The following SEZ6L2 variants were observed in gnomAD, a reference collection of about 807,000 sequenced individuals.
The protein encoded by SEZ6L2 is seizure 6-like protein 2.
A neutral mutation model predicts 97.0 loss-of-function variants in SEZ6L2; 44 were observed. That is an observed-to-expected ratio of 0.45 (90% CI 0.36 to 0.58). The LOEUF is 0.58. Ranked by LOEUF, SEZ6L2 falls within the 20% of genes least tolerant of loss-of-function variation. The pLI, the probability that SEZ6L2 is intolerant of heterozygous loss-of-function variation, is 0.00. For missense variants in SEZ6L2, 1,086 were observed against 1,233.3 expected, an observed-to-expected ratio of 0.88 and a Z score of 1.79; for synonymous variants, 543 against 546.1, an observed-to-expected ratio of 0.99 and a Z score of 0.08.
In SEZ6L2 at chr16:29,873,454, G is replaced by A. The variant is rs981701465; in HGVS notation, c.2297-23C>T. Reference sequence around the variant, plus strand: ...TCACTGCGGGGAGCATGCCAGTCACGTGCCAGCTGCACTACTGTGCACGGG... The same window carrying A: ...TCACTGCGGGGAGCATGCCAGTCACATGCCAGCTGCACTACTGTGCACGGG... On this transcript the variant is annotated intron_variant, in intron 13 of 17. Transcript: ENST00000617533. The surrounding 1 kb of genome is among the most constrained non-coding windows in gnomAD (Gnocchi z 4.3). 3.7e-6 allele frequency: 6 copies of A among 1,614,104 alleles called. No individual in the cohort carries two copies. Among genetic ancestry groups the A allele is most frequent in the Admixed American group, 1.7e-5 (1 of 60,024 alleles).
chr16:29,897,085 G>A lies in SEZ6L2; in HGVS notation c.248C>T (p.Ala83Val). The A allele has an allele frequency of 6.3e-7, 1 of 1,581,012 alleles. No homozygotes were observed. Among genetic ancestry groups the A allele is most frequent in the Non-Finnish European group, 8.5e-7 (1 of 1,171,198 alleles). Residue 83 changes from alanine (A) to valine (V), a missense_variant, in exon 3 of 18, where the codon GCC becomes GTC. Coordinates refer to ENST00000617533, the MANE Select transcript of SEZ6L2 (RefSeq NM_001243332.2). Reference protein sequence around the residue: ...DRDPTLATPPAGQTLAVPSLP... With the variant: ...DRDPTLATPPVGQTLAVPSLP... ...GGAGGGCACTGCGAGAGTCTGGCCGGCCGGAGGGGTGGCTAGCGTGGGGTC... is the reference window on the plus strand; with the variant it reads ...GGAGGGCACTGCGAGAGTCTGGCCGACCGGAGGGGTGGCTAGCGTGGGGTC...
rs775047915 is a variant in SEZ6L2, at chr16:29,873,364, G to A, written c.2364C>T (p.His788=). 3 of 1,614,278 alleles carry A rather than the reference G, an allele frequency of 1.9e-6. No homozygotes were observed. The highest frequency in any genetic ancestry group is 2.2e-5 in the South Asian group (2 of 91,090). Residue 788 remains histidine, a synonymous_variant, in exon 14 of 18, where the codon CAC becomes CAT. Transcript: ENST00000617533. This position sits in a 1 kb window ranked among gnomAD's most constrained non-coding sequence, Gnocchi z 4.3. Reference sequence around the variant, plus strand: ...AGCGCAGAGACTCGCCCGCCTGGTAGTGGTGCTTGTACAGCGTCTGGTAGC... The same window carrying A: ...AGCGCAGAGACTCGCCCGCCTGGTAATGGTGCTTGTACAGCGTCTGGTAGC... ...ENGYQTLYKH[H]YQAGESLRFF... is the part of the protein sequence containing the mutation.
At chr16:29,895,505 G>A (rs758184686) in intron 4 of SEZ6L2, 45 bp from the exon 5 acceptor site, 8 of 1,597,296 alleles carry the variant, frequency 5.0e-6, no homozygotes, top group Admixed American at 3.4e-5. Flanking sequence ...TCAGCCAGGT[G>A]TTTGACTTCC....
At chr16:29,885,787 C>A in intron 7 of SEZ6L2, 38 bp from the exon 8 acceptor site, 1 of 1,578,156 alleles carries the variant, frequency 6.3e-7, no homozygotes, top group Non-Finnish European at 8.6e-7. Flanking sequence ...GCTCAATCTC[C>A]CTCACAAGCT....
chr16:29,873,520 G>A lies in SEZ6L2; in HGVS notation c.2296+18C>T. On this transcript the variant is annotated intron_variant, in intron 13 of 17. Transcript: ENST00000617533. The surrounding 1 kb of genome is among the most constrained non-coding windows in gnomAD (Gnocchi z 4.3). ...CAGGGCTACCCAGCCACCCTCCCAG[G>A]GTGTGCCCCAGACTCACAGGCGCAT... is the stretch of plus-strand genomic sequence containing the variant. 6.2e-7 allele frequency: 1 copy of A among 1,614,116 alleles called. No individual in the cohort carries two copies. The highest frequency in any genetic ancestry group is 1.7e-5 in the Admixed American group (1 of 60,010).
At position 29,899,157 on chromosome 16, in the gene SEZ6L2, A is replaced by G. The variant is rs1471019813; in HGVS notation, c.-138T>C. 1.5e-6 allele frequency: 1 copy of G among 676,042 alleles called. No individual in the cohort carries two copies. Among genetic ancestry groups the G allele is most frequent in the Non-Finnish European group, 2.4e-6 (1 of 410,402 alleles). The allele number at this position is 676,042 out of a possible 1,614,324, so 41.9% of individuals were successfully genotyped here. On this transcript the variant is annotated 5_prime_UTR_variant, in exon 1 of 18. Transcript: ENST00000617533. Reference sequence around the variant, plus strand: ...TCCTCGTAGGAGTCAGCAAAGAAAGACAATTTCTCTGCCCCTTGGGATGGA... The same window carrying G: ...TCCTCGTAGGAGTCAGCAAAGAAAGGCAATTTCTCTGCCCCTTGGGATGGA...
chr16:29,883,027 C>A (rs1053996372), intron 8 of SEZ6L2, among the ~76,000 whole-genome samples: 1 of 152,198 alleles, frequency 6.6e-6, no homozygotes, highest in African/African-American at 2.4e-5. Context: ...TCCCGCAATT[C>A]ATTTTTGCAG....
intron 1 of SEZ6L2, among the ~76,000 whole-genome samples, chr16:29,898,257 C>T (rs796737864): frequency 5.3e-5 from 8 of 152,266 alleles, no homozygotes; most frequent in African/African-American, 1.7e-4. Flanking sequence ...CCCTGGACAG[C>T]GCCAGCAAGG....
rs541095994 is a variant in SEZ6L2, at chr16:29,874,550, GTTTTTTTTTTTTTTTTTTTTTT to G, written c.2105-843_2105-822del. 5.2e-3 allele frequency among the ~76,000 whole-genome samples: 171 copies of G among 32,576 alleles called. 2 individuals are homozygous for G. Among genetic ancestry groups the G allele is most frequent in the Non-Finnish European group, 7.3e-3 (104 of 14,236 alleles). 21.4% of individuals were successfully genotyped at this position (32,576 alleles called of 152,430 possible). A position where few individuals can be genotyped will look rare whatever the true frequency, so the allele number is the denominator to read the frequency against. On this transcript the variant is annotated intron_variant, in intron 12 of 17. Transcript: ENST00000617533. ...AATATAATTCTTTGTGTGTGTGCTT[GTTTTTTTTTTTTTTTTTTTTTT>G]TTTTTTTTTTTTTTTTGAGATGGGA...
intron 8 of SEZ6L2, among the ~76,000 whole-genome samples, chr16:29,885,285 G>T (rs540734159): frequency 6.6e-6 from 1 of 152,266 alleles, no homozygotes; most frequent in Non-Finnish European, 1.5e-5. Context: ...ATCACACAGG[G>T]AAAGTGCCTA....
rs1411129743 is a variant in SEZ6L2 at position 29,871,592 on chromosome 16, A to T, written c.*107T>A. On this transcript the variant is annotated 3_prime_UTR_variant, in exon 18 of 18. Transcript: ENST00000617533. ...CGTGGGATAGGGAGACTATTTACAC[A>T]GCCAGGGAGGAGGGCAGCCAGGAGG... is the stretch of plus-strand genomic sequence containing the variant. The T allele has an allele frequency of 8.9e-7, 1 of 1,129,402 alleles. No homozygotes were observed. The highest frequency in any genetic ancestry group is 1.3e-6 in the Non-Finnish European group (1 of 761,636). The allele number at this position is 1,129,402 out of a possible 1,614,324, so 70.0% of individuals were successfully genotyped here. A position where few individuals can be genotyped will look rare whatever the true frequency, so the allele number is the denominator to read the frequency against.
intron 10 of SEZ6L2, among the ~76,000 whole-genome samples, chr16:29,877,816 C>T (rs934478094): frequency 8.5e-5 from 13 of 152,208 alleles, no homozygotes; most frequent in African/African-American, 2.9e-4. Flanking sequence ...TCGCTAACGC[C>T]CTACACAACT....
rs59318540 is a variant in SEZ6L2 at position 29,881,620 on chromosome 16, C to CTTTTT, written c.1373-1561_1373-1557dup. 2.6e-4 allele frequency among the ~76,000 whole-genome samples: 22 copies of CTTTTT among 85,118 alleles called. 1 individual carries two copies. Among genetic ancestry groups the CTTTTT allele is most frequent in the African/African-American group, 5.2e-4 (10 of 19,408 alleles). 55.8% of individuals were successfully genotyped at this position (85,118 alleles called of 152,430 possible). A position where few individuals can be genotyped will look rare whatever the true frequency, so the allele number is the denominator to read the frequency against. On this transcript the variant is annotated intron_variant, in intron 8 of 17. Coordinates refer to ENST00000617533, the MANE Select transcript of SEZ6L2 (RefSeq NM_001243332.2). ...GTGCCTATGATACCAATGAGGAATT[C>CTTTTT]TTTTTTTTTTTTTTTTTTTTTTTTG...
rs758352125 is a variant in SEZ6L2, at chr16:29,885,644, G to A, written c.1314C>T (p.Tyr438=). 5 of 1,614,062 alleles carry A rather than the reference G, an allele frequency of 3.1e-6. No homozygotes were observed. The highest frequency in any genetic ancestry group is 2.2e-5 in the South Asian group (2 of 91,076). The change falls in exon 8 of 18, where the codon TAC becomes TAT. Residue 438 remains tyrosine, a synonymous_variant. Transcript: ENST00000617533. ...RGLISDAQSL[Y]VELLSETPAN... ...CAGGTGTCTCTGACAGCAGCTCCAC[G>A]TAGAGGGACTGGGCGTCACTGATGA...
At position 29,872,546 on chromosome 16, in the gene SEZ6L2, C is replaced by G; in HGVS notation, c.2528-20G>C. The G allele has an allele frequency of 6.2e-7, 1 of 1,611,812 alleles. No homozygotes were observed. Among genetic ancestry groups the G allele is most frequent in the South Asian group, 1.1e-5 (1 of 91,012 alleles). On this transcript the variant is annotated intron_variant, in intron 15 of 17. Transcript: ENST00000617533. ...GGGTCACTACAGGAGGAGGAGAGGC[C>G]GGTGAGCTGTGGCTGGGCCCGGTCC...
At position 29,877,267 on chromosome 16, in the gene SEZ6L2, G is replaced by A; in HGVS notation, c.1909+4C>T. The A allele has an allele frequency of 1.3e-6, 2 of 1,577,886 alleles. No individual in the cohort carries two copies. Among genetic ancestry groups the A allele is most frequent in the Non-Finnish European group, 1.7e-6 (2 of 1,161,592 alleles). ...GCCCATCCCGGGACTCTATCCCTCA[G>A]TACCTTTGAAGTGCAATACGAAGCC... On this transcript the variant is annotated splice_donor_region_variant and intron_variant, in intron 11 of 17. Coordinates refer to ENST00000617533, the MANE Select transcript of SEZ6L2 (RefSeq NM_001243332.2).
At chr16:29,891,538 G>A (rs983727057) in intron 5 of SEZ6L2, among the ~76,000 whole-genome samples, 2 of 152,142 alleles carry the variant, frequency 1.3e-5, no homozygotes, top group Admixed American at 6.5e-5. Flanking sequence ...CTACTCAGGA[G>A]GCTGAGACAG....
At position 29,898,926 on chromosome 16, in the gene SEZ6L2, G is replaced by T; in HGVS notation, c.79+15C>A. 2 of 1,603,070 alleles carry T rather than the reference G, an allele frequency of 1.2e-6. No homozygotes were observed. Among genetic ancestry groups the T allele is most frequent in the East Asian group, 2.2e-5 (1 of 44,452 alleles). On this transcript the variant is annotated intron_variant, in intron 1 of 17. Coordinates refer to ENST00000617533, the MANE Select transcript of SEZ6L2 (RefSeq NM_001243332.2). ...CGCCTTCCTGGGGCCCACCCCCACAGTCTCATGTCCTTACCCTGGATCCAG... is the reference window on the plus strand; with the variant it reads ...CGCCTTCCTGGGGCCCACCCCCACATTCTCATGTCCTTACCCTGGATCCAG...
intron 8 of SEZ6L2, among the ~76,000 whole-genome samples, chr16:29,885,372 A>G (rs2150798734): frequency 6.6e-6 from 1 of 152,296 alleles, no homozygotes; most frequent in South Asian, 2.1e-4. Flanking sequence ...GGATCCAGAC[A>G]TTCATGAAGC....
Sources: gnomAD v4.1 joint callset for allele counts (sites outside exome capture counted in the v4.1 genomes callset) on GRCh38, gnomAD v4.1.1 for gene constraint, Gnocchi (gnomAD v3.1) non-coding constraint, MANE v1.5 for transcripts, NCBI Gene and HGNC (gene_info 2026-07-23, HGNC 2026-07-21) for gene names.